FAM227B: variants seen among roughly 807,000 people sequenced by gnomAD.
The protein encoded by FAM227B is family with sequence similarity 227 member B.
In FAM227B, 88 loss-of-function variants were observed where a neutral mutation model predicts 73.8. The ratio of observed to expected loss-of-function variants is 1.19; its 90% CI spans 1.00 to 1.42. The LOEUF is 1.42. Ranked by LOEUF, FAM227B falls within the 40% of genes most tolerant of loss-of-function variation. The pLI, the probability that FAM227B is intolerant of heterozygous loss-of-function variation, is 0.00. For missense variants in FAM227B, 632 were observed against 590.9 expected, an observed-to-expected ratio of 1.07 and a Z score of -0.72; for synonymous variants, 210 against 190.5, an observed-to-expected ratio of 1.10 and a Z score of -0.84.
intron 9 of FAM227B, among the ~76,000 whole-genome samples, chr15:49,554,281 G>A (rs1026063133): frequency 3.9e-5 from 6 of 152,090 alleles, no homozygotes; most frequent in South Asian, 2.1e-4. Flanking sequence ...AGGTGATGCC[G>A]GTACTCCCTT....
intron 14 of FAM227B, 177 bp from the exon 15 acceptor site, chr15:49,332,026 TAA>T: frequency 1.7e-6 from 1 of 583,738 alleles, no homozygotes; most frequent in South Asian, 2.1e-5. Context: ...TCCTATTTTA[TAA>T]ATGAGGAAAC....
At chr15:49,559,796 G>A (rs1007303015) in intron 9 of FAM227B, among the ~76,000 whole-genome samples, 17 of 152,054 alleles carry the variant, frequency 1.1e-4, no homozygotes, top group African/African-American at 2.7e-4. Context: ...TTAGCAGGGC[G>A]TGGTGGCACG....
intron 10 of FAM227B, among the ~76,000 whole-genome samples, chr15:49,534,982 GA>G (rs902433539): frequency 2.6e-5 from 4 of 151,020 alleles, no homozygotes; most frequent in Admixed American, 6.6e-5. Flanking sequence ...ATGCCTATAT[GA>G]AAAAAAATCC....
At chr15:49,511,249 C>G (rs533148658) in intron 10 of FAM227B, among the ~76,000 whole-genome samples, 23 of 152,142 alleles carry the variant, frequency 1.5e-4, no homozygotes, top group Non-Finnish European at 2.8e-4. Flanking sequence ...TTAAACAGAT[C>G]ACTGTGGTCT....
intron 3 of FAM227B, among the ~76,000 whole-genome samples, chr15:49,596,382 G>A (rs1048789449): frequency 6.6e-6 from 1 of 151,802 alleles, no homozygotes; most frequent in Non-Finnish European, 1.5e-5. Flanking sequence ...ATGAAGACAA[G>A]ATAAAGTCCT....
Position 49,539,255 on chromosome 15 carries a change from T to C in FAM227B, c.874+2425A>G, listed in dbSNP as rs571315235. On this transcript the variant is annotated intron_variant, in intron 10 of 15. Coordinates refer to ENST00000299338, the MANE Select transcript of FAM227B (RefSeq NM_152647.3). ...CTCAGTCGCCAAGGCTAGTGGTGTC[T>C]GCAATGGCTGTGAGGGTTGTTAGCG... Among the ~76,000 whole-genome samples, 134 of 152,298 alleles carry C rather than the reference T, an allele frequency of 8.8e-4. 5 individuals carry two copies. In the South Asian group the frequency reaches 0.027, roughly 30 times the overall value.
At chr15:49,363,829 T>G (rs1251748093) in intron 13 of FAM227B, among the ~76,000 whole-genome samples, 1 of 152,162 alleles carries the variant, frequency 6.6e-6, no homozygotes. Flanking sequence ...CATGAAGGGA[T>G]GTTGAATTGT....
intron 9 of FAM227B, among the ~76,000 whole-genome samples, chr15:49,560,301 GAACT>G: frequency 6.6e-6 from 1 of 152,094 alleles, no homozygotes; most frequent in East Asian, 1.9e-4. Context: ...TCAGTATTTT[GAACT>G]AACCCAGTCA....
chr15:49,493,035 A>G (rs1462981309), intron 11 of FAM227B, among the ~76,000 whole-genome samples: 1 of 151,716 alleles, frequency 6.6e-6, no homozygotes, highest in Non-Finnish European at 1.5e-5. Context: ...CTTCTTCTTG[A>G]ATCTGTTCCT....
At chr15:49,462,313 T>C (rs1011129361) in intron 11 of FAM227B, among the ~76,000 whole-genome samples, 1 of 152,214 alleles carries the variant, frequency 6.6e-6, no homozygotes, top group African/African-American at 2.4e-5. Flanking sequence ...TCTAAACATG[T>C]ATTTTGCAAG....
chr15:49,451,957 GA>G (rs2052790040), intron 11 of FAM227B, among the ~76,000 whole-genome samples: 1 of 151,892 alleles, frequency 6.6e-6, no homozygotes, highest in African/African-American at 2.4e-5. Flanking sequence ...AATAACTAGT[GA>G]AAAAATGCTA....
At chr15:49,620,546 T>C (rs2078637701) in intron 1 of FAM227B, 154 bp downstream of exon 1, 1 of 152,214 alleles carries the variant, frequency 6.6e-6, no homozygotes, top group Non-Finnish European at 1.5e-5. Context: ...TACAAATGAT[T>C]TTTCTAATAG....
At chr15:49,422,396 A>T (rs747469732) in intron 11 of FAM227B, 5 of 453,198 alleles carry the variant, frequency 1.1e-5, no homozygotes, top group Non-Finnish European at 1.7e-5. Flanking sequence ...AATACATATT[A>T]TAATTCCATC....
intron 12 of FAM227B, among the ~76,000 whole-genome samples, chr15:49,370,289 G>A (rs2045723008): frequency 6.6e-6 from 1 of 152,210 alleles, no homozygotes; most frequent in South Asian, 2.1e-4. Context: ...TCTGAAAAAG[G>A]TTGTTTAATC....
At chr15:49,447,208 T>C (rs989637477) in intron 11 of FAM227B, among the ~76,000 whole-genome samples, 9 of 151,678 alleles carry the variant, frequency 5.9e-5, no homozygotes, top group Non-Finnish European at 8.9e-5. Context: ...ACCAGGCCCA[T>C]TGTAAATAAT....
chr15:49,390,151 C>T (rs1390693650), intron 11 of FAM227B, among the ~76,000 whole-genome samples: 1 of 152,006 alleles, frequency 6.6e-6, no homozygotes. Flanking sequence ...TGAAATGTGT[C>T]TTTTCCGAGT....
chr15:49,331,027 C>T (rs2038624958), intron 15 of FAM227B: 1 of 152,192 alleles, frequency 6.6e-6, no homozygotes, highest in Non-Finnish European at 1.5e-5. Flanking sequence ...TATTATACAA[C>T]ACCCAGGTGT....
At chr15:49,374,795 T>G (rs1283722327) in intron 11 of FAM227B, among the ~76,000 whole-genome samples, 1 of 152,204 alleles carries the variant, frequency 6.6e-6, no homozygotes, top group African/African-American at 2.4e-5. Context: ...CCTCCTACCT[T>G]GGCTTCCCAA....
At chr15:49,487,391 C>G (rs1218966353) in intron 11 of FAM227B, 5 of 151,054 alleles carry the variant, frequency 3.3e-5, no homozygotes, top group Non-Finnish European at 5.9e-5. Context: ...AAGCAGTGAA[C>G]AAAACATTTT....
Sources: gnomAD v4.1 joint callset for allele counts (sites outside exome capture counted in the v4.1 genomes callset) on GRCh38, gnomAD v4.1.1 for gene constraint, MANE v1.5 for transcripts, NCBI Gene and HGNC (gene_info 2026-07-23, HGNC 2026-07-21) for gene names.